The following PLS1 variants were observed in gnomAD, a reference collection of about 807,000 sequenced individuals.
The protein encoded by PLS1 is plastin-1.
A neutral mutation model predicts 73.7 loss-of-function variants in PLS1; 32 were observed. The observed-to-expected ratio is 0.43, with a 90% CI of 0.33 to 0.58. The LOEUF (loss-of-function observed/expected upper bound fraction) is 0.58, where lower values mean the gene tolerates loss of function less well. Among genes scored for constraint, PLS1 ranks in the 20% least tolerant of loss-of-function variants. PLS1 has a pLI of 0.04. For synonymous variants in PLS1, 217 were observed against 261.3 expected (o/e 0.83, Z 1.63); for missense variants, 633 against 740.5 (o/e 0.85, Z 1.68).
chr3:142,646,655 C>T (rs1367999886), intron 1 of PLS1, among the ~76,000 whole-genome samples: 2 of 152,256 alleles, frequency 1.3e-5, no homozygotes, highest in Non-Finnish European at 2.9e-5. Flanking sequence ...GACAGTGCTG[C>T]AAAGCAGCAC....
intron 1 of PLS1, among the ~76,000 whole-genome samples, chr3:142,635,435 C>A (rs975135352): frequency 7.8e-4 from 101 of 129,370 alleles, no homozygotes; most frequent in Middle Eastern, 4.2e-3. Flanking sequence ...ACTAAAAATA[C>A]AAAAAAAAAA....
At chr3:142,663,397 A>G (rs532575915) in intron 1 of PLS1, among the ~76,000 whole-genome samples, 2 of 152,018 alleles carry the variant, frequency 1.3e-5, no homozygotes, top group East Asian at 3.9e-4. Flanking sequence ...GTTTTACATA[A>G]TTTTTTCCTC....
intron 2 of PLS1, among the ~76,000 whole-genome samples, chr3:142,666,284 G>A (rs2037478136): frequency 6.6e-6 from 1 of 152,032 alleles, no homozygotes; most frequent in South Asian, 2.1e-4. Context: ...TTCCCAAACT[G>A]AAACTCCATA....
intron 12 of PLS1, among the ~76,000 whole-genome samples, chr3:142,703,470 A>G (rs1031875844): frequency 6.6e-6 from 1 of 151,944 alleles, no homozygotes; most frequent in Non-Finnish European, 1.5e-5. Context: ...TAACTTTTGT[A>G]TTTTTAGTAG....
intron 1 of PLS1, among the ~76,000 whole-genome samples, chr3:142,644,441 T>TG (rs1035205342): frequency 2.6e-5 from 4 of 151,948 alleles, no homozygotes; most frequent in African/African-American, 7.2e-5. Context: ...TTCATAGAGA[T>TG]GGGGTCTCTC....
At chr3:142,674,025 A>C (rs1372278243) in intron 4 of PLS1, 1 of 152,160 alleles carries the variant, frequency 6.6e-6, no homozygotes, top group Non-Finnish European at 1.5e-5. Flanking sequence ...ATATTCACCT[A>C]TTGAAAAACT....
At chr3:142,650,775 T>C (rs2037069624) in intron 1 of PLS1, among the ~76,000 whole-genome samples, 1 of 152,158 alleles carries the variant, frequency 6.6e-6, no homozygotes, top group African/African-American at 2.4e-5. Context: ...ATACAGACAT[T>C]ATAATGATGG....
At chr3:142,705,088 T>C (rs1393389235) in intron 14 of PLS1, among the ~76,000 whole-genome samples, 2 of 152,150 alleles carry the variant, frequency 1.3e-5, no homozygotes, top group Non-Finnish European at 2.9e-5. Context: ...TATTCAGTTT[T>C]AATTACTAAA....
chr3:142,659,201 A>G (rs2037309080), intron 1 of PLS1, among the ~76,000 whole-genome samples: 1 of 152,160 alleles, frequency 6.6e-6, no homozygotes, highest in South Asian at 2.1e-4. Flanking sequence ...ATTTTGGAGG[A>G]TGGATAAGGG....
intron 1 of PLS1, among the ~76,000 whole-genome samples, chr3:142,661,670 G>A (rs1332821250): frequency 6.6e-6 from 1 of 152,150 alleles, no homozygotes; most frequent in Non-Finnish European, 1.5e-5. Context: ...TTATAAAAGT[G>A]TATAAAAAAG....
chr3:142,682,402 A>C (rs1341705808), intron 6 of PLS1, among the ~76,000 whole-genome samples: 1 of 152,190 alleles, frequency 6.6e-6, no homozygotes, highest in African/African-American at 2.4e-5. Context: ...AGACAAGAGG[A>C]TAGCACACAA....
chr3:142,649,334 T>C (rs1577836019), intron 1 of PLS1, among the ~76,000 whole-genome samples: 3 of 23,082 alleles, frequency 1.3e-4, no homozygotes, highest in South Asian at 1.5e-3. Flanking sequence ...AGACCCTATG[T>C]CAAAAAAAAA....
At chr3:142,634,369 A>G (rs972668111) in intron 1 of PLS1, among the ~76,000 whole-genome samples, 4 of 152,228 alleles carry the variant, frequency 2.6e-5, no homozygotes, top group Non-Finnish European at 4.4e-5. Flanking sequence ...ACATCAAAGC[A>G]TAATTGTTTT....
chr3:142,684,331 G>A lies in PLS1; in HGVS notation c.824G>A (p.Trp275Ter). 1 of 1,613,808 alleles carries A rather than the reference G, an allele frequency of 6.2e-7. No individual in the cohort carries two copies. Among genetic ancestry groups the A allele is most frequent in the Non-Finnish European group, 8.5e-7 (1 of 1,179,706 alleles). Residue 275 changes from tryptophan to a stop codon, truncating the protein, a stop_gained, in exon 8 of 16, where the codon TGG (tryptophan) becomes TAG (stop). Coordinates refer to ENST00000457734, the MANE Select transcript of PLS1 (RefSeq NM_001145319.2). LOFTEE classifies it high-confidence loss of function. The part of the protein sequence containing the change: ...KLSPEELLLR[W>*]VNYHLTNAGW... ...TCTCCCGAGGAATTACTGCTGCGATGGGTGAACTACCATCTGACCAATGCA... is the reference window on the plus strand; with the variant it reads ...TCTCCCGAGGAATTACTGCTGCGATAGGTGAACTACCATCTGACCAATGCA...
intron 6 of PLS1, among the ~76,000 whole-genome samples, chr3:142,678,952 A>G (rs1396666238): frequency 6.6e-6 from 1 of 152,072 alleles, no homozygotes; most frequent in Non-Finnish European, 1.5e-5. Flanking sequence ...CTGACTTTTT[A>G]ATGATCGCCA....
chr3:142,629,404 T>C (rs1577799018), intron 1 of PLS1, among the ~76,000 whole-genome samples: 2 of 152,260 alleles, frequency 1.3e-5, no homozygotes. Flanking sequence ...GGTTTCACCA[T>C]GTTGGCCAGG....
chr3:142,687,494 A>G (rs962455729), intron 9 of PLS1, among the ~76,000 whole-genome samples: 1 of 152,222 alleles, frequency 6.6e-6, no homozygotes, highest in Non-Finnish European at 1.5e-5. Context: ...GACATATTTC[A>G]GAAACACAGT....
At position 142,698,910 on chromosome 3, in the gene PLS1, A is replaced by G. The variant is rs532784678; in HGVS notation, c.1371+843A>G. Among the ~76,000 whole-genome samples, 4 of 152,346 alleles carry G rather than the reference A, an allele frequency of 2.6e-5. No individual in the cohort carries two copies. The South Asian group carries it at 8.3e-4, about 32-fold the overall frequency. ...AGCAATGTTTATACAGCACACAAGA[A>G]AACAACCTAGTTGTTCAGTAAAGGG... is the stretch of plus-strand genomic sequence containing the variant. On this transcript the variant is annotated intron_variant, in intron 12 of 15. Coordinates refer to ENST00000457734, the MANE Select transcript of PLS1 (RefSeq NM_001145319.2).
intron 1 of PLS1, among the ~76,000 whole-genome samples, chr3:142,617,034 CCA>C (rs751348123): frequency 1.3e-5 from 2 of 152,124 alleles, no homozygotes; most frequent in Non-Finnish European, 2.9e-5. Context: ...GCCCAGTTAG[CCA>C]CTAAAATAGC....
Sources: gnomAD v4.1 joint callset for allele counts (sites outside exome capture counted in the v4.1 genomes callset) on GRCh38, gnomAD v4.1.1 for gene constraint, MANE v1.5 for transcripts, NCBI Gene and HGNC (gene_info 2026-07-23, HGNC 2026-07-21) for gene names.